Variants in CACNA1C observed in about 807,000 individuals in gnomAD.
The protein encoded by CACNA1C is voltage-dependent L-type calcium channel subunit alpha-1C.
A neutral mutation model predicts 229.0 loss-of-function variants in CACNA1C; 30 were observed. The ratio of observed to expected loss-of-function variants is 0.13; its 90% confidence interval spans 0.10 to 0.18. CACNA1C has a LOEUF of 0.18. Ranked by LOEUF, CACNA1C falls within the 10% of genes least tolerant of loss-of-function variation. The pLI, the probability that CACNA1C is intolerant of heterozygous loss-of-function variation, is 1.00. For missense variants in CACNA1C, 1,658 were observed against 2,845.0 expected (o/e 0.58, Z 9.49); for synonymous variants, 1,114 against 1,132.5 (o/e 0.98, Z 0.33).
intron 29 of CACNA1C, chr12:2,614,715 G>A (rs2153467199): frequency 6.6e-6 from 1 of 152,308 alleles, no homozygotes; most frequent in East Asian, 1.9e-4. Context: ...TGAAAGGATG[G>A]CTAGGAACCA....
chr12:2,615,074 G>C (rs1389126648), intron 29 of CACNA1C: 1 of 152,146 alleles, frequency 6.6e-6, no homozygotes, highest in Non-Finnish European at 1.5e-5. Flanking sequence ...GGCATGGTTT[G>C]AAGAGAGTGA....
At chr12:2,115,914 C>T (rs1181248719) in intron 2 of CACNA1C, among the ~76,000 whole-genome samples, 1 of 152,236 alleles carries the variant, frequency 6.6e-6, no homozygotes, top group Non-Finnish European at 1.5e-5. Context: ...GTTGGGGTAA[C>T]AGTCGTTAGT....
rs1334318824 is a variant in CACNA1C at position 2,649,778 on chromosome 12, T to C, written c.3945+1271T>C. ...CTCTTGACACTTGCAGCTAAAGTTC[T>C]CCACTTAAGCTTGTTCTTTTTTTTC... is the stretch of plus-strand genomic sequence containing the variant. On this transcript the variant is annotated intron_variant, in intron 31 of 46. Coordinates refer to ENST00000399655, the MANE Select transcript of CACNA1C (RefSeq NM_000719.7). This position sits in a 1 kb window ranked among gnomAD's most constrained non-coding sequence, Gnocchi z 4.4. Among the ~76,000 whole-genome samples the C allele has an allele frequency of 6.6e-6, 1 of 152,128 alleles. No individual in the cohort carries two copies. The highest frequency in any genetic ancestry group is 1.9e-4 in the East Asian group (1 of 5,190).
At chr12:2,163,345 C>T (rs936205960) in intron 3 of CACNA1C, among the ~76,000 whole-genome samples, 4 of 152,110 alleles carry the variant, frequency 2.6e-5, no homozygotes, top group African/African-American at 4.8e-5. Context: ...GATAAGGAAG[C>T]GGATGCTGGA....
Position 2,035,988 on chromosome 12 carries a change from G to A in CACNA1C, c.139+64787G>A, listed in dbSNP as rs193269714. ...GAGAGGATTCTGGTGCTAATTTTGC[G>A]GTCTTGTGAATAAGTTATCTCTTGT... On this transcript the variant is annotated intron_variant, in intron 1 of 46. Transcript: ENST00000682462. Among the ~76,000 whole-genome samples, 310 of 152,152 alleles carry A rather than the reference G, an allele frequency of 2.0e-3. 1 individual carries two copies. The highest frequency in any genetic ancestry group is 7.3e-3 in the African/African-American group (302 of 41,502).
intron 9 of CACNA1C, among the ~76,000 whole-genome samples, chr12:2,547,063 C>T (rs1366177083): frequency 1.3e-5 from 2 of 152,178 alleles, no homozygotes; most frequent in African/African-American, 2.4e-5. Context: ...TAGACTTTAG[C>T]AGTGACCCCG....
intron 3 of CACNA1C, among the ~76,000 whole-genome samples, chr12:2,245,117 T>G (rs1320320058): frequency 6.6e-6 from 1 of 152,210 alleles, no homozygotes; most frequent in Non-Finnish European, 1.5e-5. Context: ...CATGGCCATG[T>G]GGAGGGGCCG....
chr12:2,457,221 A>C (rs1363885632), intron 4 of CACNA1C, among the ~76,000 whole-genome samples: 2 of 152,216 alleles, frequency 1.3e-5, no homozygotes, highest in African/African-American at 4.8e-5. Context: ...ACCATGGAGA[A>C]GCCGGAGGGC....
intron 1 of CACNA1C, chr12:1,997,980 A>G: frequency 6.2e-7 from 1 of 1,607,998 alleles, no homozygotes; most frequent in South Asian, 1.1e-5. Context: ...TTTCTCCTAA[A>G]CAATAAAAAC....
rs781074075 is a variant in CACNA1C, at chr12:2,550,019, C to T, written c.1467C>T (p.Cys489=). ...VAGGDIEGEN[C]GARLAHRISK... ...GAGGTGACATCGAGGGAGAAAACTG[C>T]GGGGCCAGGCTGGCGTGAGTAGGCA... The change falls in exon 10 of 47, where the codon TGC becomes TGT. Residue 489 remains cysteine, a synonymous_variant. Transcript: ENST00000399655. The T allele has an allele frequency of 1.7e-5, 28 of 1,604,444 alleles. No homozygotes were observed. The highest frequency in any genetic ancestry group is 9.4e-5 in the African/African-American group (7 of 74,776).
At chr12:2,448,785 C>T (rs996641090) in intron 3 of CACNA1C, among the ~76,000 whole-genome samples, 191 bp from the exon 4 acceptor site, 1 of 152,048 alleles carries the variant, frequency 6.6e-6, no homozygotes, top group Non-Finnish European at 1.5e-5. Context: ...TCCTGTAATC[C>T]CCAGTAGCTT....
chr12:2,294,896 T>A (rs991788871), intron 3 of CACNA1C, among the ~76,000 whole-genome samples: 4 of 152,074 alleles, frequency 2.6e-5, no homozygotes, highest in Admixed American at 2.6e-4. Flanking sequence ...GTGAGTCACA[T>A]CTGCTCCAGT....
chr12:2,560,356 A>G (rs1223139274), intron 11 of CACNA1C, among the ~76,000 whole-genome samples: 2 of 152,238 alleles, frequency 1.3e-5, no homozygotes, highest in African/African-American at 4.8e-5. Context: ...TGCAAAACAG[A>G]ATGATCCAAA....
At chr12:2,584,766 C>G in intron 16 of CACNA1C, 149 bp downstream of exon 16, 1 of 600,452 alleles carries the variant, frequency 1.7e-6, no homozygotes, top group Non-Finnish European at 3.0e-6. Context: ...TAAGTTGGGC[C>G]TCTCTCCTAA....
intron 1 of CACNA1C, among the ~76,000 whole-genome samples, chr12:1,987,138 G>A (rs1475070810): frequency 2.6e-5 from 4 of 152,128 alleles, no homozygotes; most frequent in African/African-American, 9.7e-5. Context: ...CTTTACAAAC[G>A]ATTTGTTAAT....
intron 3 of CACNA1C, among the ~76,000 whole-genome samples, chr12:2,324,687 G>T (rs769620713): frequency 4.6e-5 from 7 of 152,192 alleles, no homozygotes; most frequent in African/African-American, 9.6e-5. Flanking sequence ...GACTCCAGAG[G>T]TCATTAAAAA....
At position 2,491,815 on chromosome 12, in the gene CACNA1C, G is replaced by A. The variant is rs149377859; in HGVS notation, c.917-1375G>A. ...GAACAGTTTCAGATTTAAAGCCACC[G>A]ACTGAGAATCAGCCCACCGGCCAGT... On this transcript the variant is annotated intron_variant, in intron 6 of 46. Transcript: ENST00000399655. Among the ~76,000 whole-genome samples, 476 of 152,272 alleles carry A rather than the reference G, an allele frequency of 3.1e-3. 4 individuals are homozygous for A. The highest frequency in any genetic ancestry group is 0.011 in the African/African-American group (449 of 41,538).
intron 13 of CACNA1C, among the ~76,000 whole-genome samples, chr12:2,573,020 CCTTCTTCTTCCTTTTCTT>C (rs2057001736): frequency 6.7e-6 from 1 of 149,812 alleles, no homozygotes; most frequent in Non-Finnish European, 1.5e-5. Flanking sequence ...TCCTCCTCCT[CCTTCTTCTTCCTTTTCTT>C]CTTCTTCTTC....
chr12:2,115,656 G>T, intron 2 of CACNA1C, 111 bp downstream of exon 2: 3 of 989,516 alleles, frequency 3.0e-6, no homozygotes, highest in Non-Finnish European at 1.5e-6. Context: ...CTACAAACGG[G>T]GCCTCGGGCC....
Sources: allele counts gnomAD v4.1 joint callset (sites outside exome capture counted in the v4.1 genomes callset), GRCh38; gene constraint gnomAD v4.1.1; non-coding constraint Gnocchi (gnomAD v3.1); transcripts MANE v1.5; gene names NCBI Gene and HGNC (gene_info 2026-07-23, HGNC 2026-07-21).